The following MYH13 variants were observed in gnomAD, a reference collection of about 807,000 sequenced individuals.
The protein encoded by MYH13 is myosin-13.
MYH13 carries 177 observed loss-of-function variants against 232.1 expected under a neutral mutation model. The ratio of observed to expected loss-of-function variants is 0.76; its 90% CI spans 0.67 to 0.86. The LOEUF (loss-of-function observed/expected upper bound fraction) is 0.86. MYH13 is among the 40% of genes least tolerant of loss of function. MYH13 has a pLI of 0.00. For synonymous variants in MYH13, 884 were observed against 923.5 expected (o/e 0.96, Z 0.78); for missense variants, 2,246 against 2,405.9 (o/e 0.93, Z 1.39).
chr17:10,327,849 A>T lies in MYH13; in HGVS notation c.2691+17T>A. ...TCCAGAGTCTGTGTTTTGCGTTCTC[A>T]AGTAGAAGGTACTTACAGACTGGAC... On this transcript the variant is annotated intron_variant, in intron 22 of 40. Transcript: ENST00000252172. 6.2e-7 allele frequency: 1 copy of T among 1,601,786 alleles called. No individual in the cohort carries two copies. The highest frequency in any genetic ancestry group is 8.5e-7 in the Non-Finnish European group (1 of 1,177,016).
chr17:10,310,771 A>C lies in MYH13; in HGVS notation c.4656+332T>G, dbSNP rs182094941. Among the ~76,000 whole-genome samples, 18 of 152,326 alleles carry C rather than the reference A, an allele frequency of 1.2e-4. No homozygotes were observed. The East Asian group carries it at 3.3e-3, about 28-fold the overall frequency. On this transcript the variant is annotated intron_variant, in intron 33 of 40. Coordinates refer to ENST00000252172, the MANE Select transcript of MYH13 (RefSeq NM_003802.3). ...GATTATACAGGATTCTTGATAGCCA[A>C]AAATGATTGTCTGTGCCTCTATGTT...
chr17:10,364,554 AGAGGGACTGCTGAGTCTTGTGCTT>A lies in MYH13; in HGVS notation c.-12-36_-12-13del. ...ATGACTGCAGAGGGCTGGGAAGACCAGAGGGACTGCTGAGTCTTGTGCTTGGGTGACTGCTGAAGCTGCAGGGCC... is the reference window on the plus strand; with the variant it reads ...ATGACTGCAGAGGGCTGGGAAGACCAGGGTGACTGCTGAAGCTGCAGGGCC... On this transcript the variant is annotated splice_polypyrimidine_tract_variant and intron_variant, in intron 2 of 40. Transcript: ENST00000252172. The A allele has an allele frequency of 7.0e-6, 11 of 1,564,992 alleles. No individual in the cohort carries two copies. The highest frequency in any genetic ancestry group is 9.5e-6 in the Non-Finnish European group (11 of 1,152,576).
At chr17:10,324,383 C>T (rs1907120061) in intron 22 of MYH13, 119 bp from the exon 23 acceptor site, 4 of 1,110,812 alleles carry the variant, frequency 3.6e-6, no homozygotes, top group Non-Finnish European at 3.9e-6. Flanking sequence ...GTCATGCACA[C>T]ACATGCACGC....
chr17:10,301,632 C>T lies in MYH13; in HGVS notation c.5739G>A (p.Arg1913=). ...TGACCTGGGACTCAGCGATGTCCGC[C>T]CTCTCCGCGGCCTCCTCTAGCTCAT... ...VQHELEEAAE[R]ADIAESQVNK... is the part of the protein sequence containing the mutation. Residue 1913 remains arginine (R), a synonymous_variant, in exon 40 of 41, where the codon AGG becomes AGA. Coordinates refer to ENST00000252172, the MANE Select transcript of MYH13 (RefSeq NM_003802.3). 1 of 1,614,224 alleles carries T rather than the reference C, an allele frequency of 6.2e-7. No individual in the cohort carries two copies. Among genetic ancestry groups the T allele is most frequent in the Non-Finnish European group, 8.5e-7 (1 of 1,180,042 alleles).
chr17:10,322,227 C>T (rs1219682525), intron 23 of MYH13, among the ~76,000 whole-genome samples: 1 of 85,588 alleles, frequency 1.2e-5, no homozygotes, highest in African/African-American at 3.4e-5. Flanking sequence ...CTCGTCTCTA[C>T]TAAAAATACA....
In MYH13 at chr17:10,332,132, C is replaced by T. The variant is rs758704818; in HGVS notation, c.2265G>A (p.Val755=). ...TGCCGAACCTGAACTGCTCCCGGTCCACATCGATGGAGTTGAGGAGCTTCT... is the reference window on the plus strand; with the variant it reads ...TGCCGAACCTGAACTGCTCCCGGTCTACATCGATGGAGTTGAGGAGCTTCT... The part of the protein sequence containing the change: ...ASEKLLNSID[V]DREQFRFGNT... Residue 755 remains valine, a synonymous_variant, in exon 20 of 41, where the codon GTG becomes GTA. Transcript: ENST00000252172. The T allele has an allele frequency of 1.9e-6, 3 of 1,613,994 alleles. No individual in the cohort carries two copies. The highest frequency in any genetic ancestry group is 2.2e-5 in the South Asian group (2 of 91,080).
chr17:10,347,141 G>A lies in MYH13; in HGVS notation c.1145-343C>T, dbSNP rs141982324. 3.5e-3 allele frequency among the ~76,000 whole-genome samples: 528 copies of A among 152,290 alleles called. 5 individuals are homozygous for A. Among genetic ancestry groups the A allele is most frequent in the South Asian group, 0.032 (155 of 4,820 alleles). On this transcript the variant is annotated intron_variant, in intron 12 of 40. Transcript: ENST00000252172. ...TCCCAGCGTTTTGGGAGGCTAAGGCGGGTGGATCACCTGAGGTCAGGAGTT... is the reference window on the plus strand; with the variant it reads ...TCCCAGCGTTTTGGGAGGCTAAGGCAGGTGGATCACCTGAGGTCAGGAGTT...
chr17:10,359,828 C>T (rs1384797577), intron 7 of MYH13, 132 bp downstream of exon 7: 1 of 756,570 alleles, frequency 1.3e-6, no homozygotes, highest in Non-Finnish European at 2.2e-6. Flanking sequence ...TGTGAGGATA[C>T]AGAGAGGAAA....
intron 21 of MYH13, among the ~76,000 whole-genome samples, chr17:10,329,250 G>A (rs182670966): frequency 2.0e-5 from 3 of 152,246 alleles, no homozygotes; most frequent in Admixed American, 1.3e-4. Flanking sequence ...AGGGAGAACA[G>A]GCTCCCTCCC....
In MYH13 at chr17:10,312,715, C is replaced by T. The variant is rs747355746; in HGVS notation, c.4224G>A (p.Thr1408=). The change falls in exon 31 of 41, where the codon ACG becomes ACA. Residue 1408 remains threonine (T), a synonymous_variant. Transcript: ENST00000252172. ...ATGCGCACTTGGAGTTCGCCGTCTC[C>T]GTGTTCTCCTCTGCTTCCTGGAGCC... is the stretch of plus-strand genomic sequence containing the variant. ...AQRLQEAEEN[T]ETANSKCASL... is the part of the protein sequence containing the mutation. 58 of 1,613,536 alleles carry T rather than the reference C, an allele frequency of 3.6e-5. 1 individual carries two copies. In the Middle Eastern group the frequency reaches 6.6e-4, roughly 18 times the overall value.
chr17:10,370,399 T>C (rs1261734806), intron 2 of MYH13, among the ~76,000 whole-genome samples: 1 of 152,236 alleles, frequency 6.6e-6, no homozygotes, highest in African/African-American at 2.4e-5. Context: ...TGCTGCCCAC[T>C]GAGCACCACC....
At position 10,346,901 on chromosome 17, in the gene MYH13, A is replaced by G. The variant is rs540241156; in HGVS notation, c.1145-103T>C. On this transcript the variant is annotated intron_variant, in intron 12 of 40. Coordinates refer to ENST00000252172, the MANE Select transcript of MYH13 (RefSeq NM_003802.3). ...GAAGTGTTTTCTGTAATTTTCTTAA[A>G]TGTTTTCATGTTGTCATATCTGTAC... The G allele has an allele frequency of 5.0e-6, 4 of 798,692 alleles. No individual in the cohort carries two copies. The South Asian group carries it at 5.1e-5, about 10-fold the overall frequency. The allele number at this position is 798,692 out of a possible 1,614,324, so 49.5% of individuals were successfully genotyped here. A position where few individuals can be genotyped will look rare whatever the true frequency, so the allele number is the denominator to read the frequency against.
At chr17:10,322,736 C>T (rs926193526) in intron 23 of MYH13, among the ~76,000 whole-genome samples, 1 of 150,602 alleles carries the variant, frequency 6.6e-6, no homozygotes, top group Admixed American at 6.6e-5. Flanking sequence ...CGGGTTCACG[C>T]CATTCTCCGG....
rs1906221228 is a variant in MYH13, at chr17:10,304,792, T to C, written c.5467-1294A>G. The stretch of plus-strand genomic sequence containing the variant: ...ATGACAAAGCACTACACAGGTGTTG[T>C]TAATTTCATAGTTGCTTCTGCCTTT... On this transcript the variant is annotated intron_variant, in intron 37 of 40. Transcript: ENST00000252172. The surrounding 1 kb of genome is among the most constrained non-coding windows in gnomAD (Gnocchi z 5.3). Among the ~76,000 whole-genome samples the C allele has an allele frequency of 6.6e-6, 1 of 152,248 alleles. No individual in the cohort carries two copies. Among genetic ancestry groups the C allele is most frequent in the Non-Finnish European group, 1.5e-5 (1 of 68,048 alleles).
intron 12 of MYH13, among the ~76,000 whole-genome samples, chr17:10,347,628 C>T (rs967973653): frequency 1.3e-5 from 2 of 150,652 alleles, no homozygotes; most frequent in African/African-American, 4.9e-5. Flanking sequence ...TTTCAGCAGA[C>T]GTTCATTGAC....
chr17:10,314,374 CA>C (rs1309453907), intron 29 of MYH13, among the ~76,000 whole-genome samples: 2 of 150,248 alleles, frequency 1.3e-5, no homozygotes, highest in African/African-American at 2.5e-5. Flanking sequence ...AAGATCGAGC[CA>C]TTGCACTCCA....
chr17:10,328,763 C>T (rs997940591), intron 21 of MYH13, among the ~76,000 whole-genome samples: 8 of 151,810 alleles, frequency 5.3e-5, no homozygotes, highest in Middle Eastern at 6.8e-3. Flanking sequence ...CTGCAACCTC[C>T]GCCTCCTAGG....
chr17:10,319,906 T>C (rs1233528072), intron 26 of MYH13, among the ~76,000 whole-genome samples: 1 of 152,180 alleles, frequency 6.6e-6, no homozygotes, highest in Non-Finnish European at 1.5e-5. Context: ...GGGATGGCGA[T>C]CAAAGCACCC....
At chr17:10,316,600 C>G (rs1450858150) in intron 27 of MYH13, among the ~76,000 whole-genome samples, 1 of 152,126 alleles carries the variant, frequency 6.6e-6, no homozygotes, top group Admixed American at 6.5e-5. Flanking sequence ...TCTTTGGGAT[C>G]CTCTTGTAAT....
Sources: allele counts gnomAD v4.1 joint callset (sites outside exome capture counted in the v4.1 genomes callset), GRCh38; gene constraint gnomAD v4.1.1; non-coding constraint Gnocchi (gnomAD v3.1); transcripts MANE v1.5; gene names NCBI Gene and HGNC (gene_info 2026-07-23, HGNC 2026-07-21).